MAP2K5: variants seen among roughly 807,000 people sequenced by gnomAD.
The protein encoded by MAP2K5 is dual specificity mitogen-activated protein kinase kinase 5.
In MAP2K5, 49 loss-of-function variants were observed where a neutral mutation model predicts 83.1. That is an observed-to-expected ratio of 0.59 (90% CI 0.47 to 0.75). The LOEUF (loss-of-function observed/expected upper bound fraction) is 0.75. Ranked by LOEUF, MAP2K5 falls within the 30% of genes least tolerant of loss-of-function variation. MAP2K5 has a pLI of 0.00. For synonymous variants in MAP2K5, 202 were observed against 191.8 expected (o/e 1.05, Z -0.44); for missense variants, 457 against 557.5 (o/e 0.82, Z 1.82).
chr15:67,635,815 G>A (rs1032929529), intron 9 of MAP2K5, among the ~76,000 whole-genome samples: 110 of 152,180 alleles, frequency 7.2e-4, no homozygotes, highest in African/African-American at 2.6e-3. Context: ...CCAGTGAGAA[G>A]TTTACTGTCA....
chr15:67,600,690 T>G lies in MAP2K5; in HGVS notation c.486T>G (p.Asn162Lys). The G allele has an allele frequency of 1.2e-6, 2 of 1,609,250 alleles. No homozygotes were observed. Among genetic ancestry groups the G allele is most frequent in the Non-Finnish European group, 1.7e-6 (2 of 1,178,478 alleles). The change falls in exon 8 of 22, where the codon AAT (asparagine) becomes AAG (lysine). Residue 162 changes from asparagine (N) to lysine (K), a missense_variant. Transcript: ENST00000178640. ...TTTCTTTCTTTCTTGTGGAGATGAA[T>G]GAACAAGACATACGATATCGGGACA... ...LKKILANGQMNEQDIRYRDTL... is the reference protein window; with the variant it reads ...LKKILANGQMKEQDIRYRDTL...
At position 67,774,202 on chromosome 15, in the gene MAP2K5, T is replaced by TGTGA. The variant is rs146888784; in HGVS notation, c.1242+1451_1242+1452insTGAG. ...GTGTGTGTGTGTGTGTGTGTGTGTG[T>TGTGA]GAGAGAACATAGGTATTTAGATATA... On this transcript the variant is annotated intron_variant, in intron 21 of 21. Transcript: ENST00000178640. This position sits in a 1 kb window ranked among gnomAD's most constrained non-coding sequence, Gnocchi z 4.9. Among the ~76,000 whole-genome samples, 1,267 of 150,664 alleles carry TGTGA rather than the reference T, an allele frequency of 8.4e-3. 24 individuals carry two copies. The highest frequency in any genetic ancestry group is 0.029 in the African/African-American group (1,200 of 40,820).
At chr15:67,792,184 A>G (rs965288122) in intron 21 of MAP2K5, among the ~76,000 whole-genome samples, 5 of 152,354 alleles carry the variant, frequency 3.3e-5, no homozygotes, top group South Asian at 2.1e-4. Context: ...TCTGGTGGAA[A>G]GAAAAAAACT....
Position 67,775,159 on chromosome 15 carries a change from T to C in MAP2K5, c.1242+2407T>C, listed in dbSNP as rs1037240386. Among the ~76,000 whole-genome samples, 9 of 152,224 alleles carry C rather than the reference T, an allele frequency of 5.9e-5. No homozygotes were observed. Among genetic ancestry groups the C allele is most frequent in the African/African-American group, 2.2e-4 (9 of 41,454 alleles). On this transcript the variant is annotated intron_variant, in intron 21 of 21. Coordinates refer to ENST00000178640, the MANE Select transcript of MAP2K5 (RefSeq NM_145160.3). The surrounding 1 kb of genome is among the most constrained non-coding windows in gnomAD (Gnocchi z 5.3). ...TACCCCTTATCGAATCATAAAATCA[T>C]CATCTTGGCAGTTTTTGACCATGTC...
chr15:67,598,511 C>T (rs1345145229), intron 7 of MAP2K5, among the ~76,000 whole-genome samples: 1 of 152,110 alleles, frequency 6.6e-6, no homozygotes, highest in East Asian at 1.9e-4. Flanking sequence ...TCTCCCTCTC[C>T]CCTCCTCCTC....
chr15:67,642,180 A>G (rs1350637815), intron 9 of MAP2K5, among the ~76,000 whole-genome samples: 1 of 152,198 alleles, frequency 6.6e-6, no homozygotes, highest in Non-Finnish European at 1.5e-5. Flanking sequence ...GGTGGTGTAC[A>G]TTTTTAGTTT....
chr15:67,560,457 C>T (rs1193029954), intron 2 of MAP2K5, among the ~76,000 whole-genome samples: 1 of 152,256 alleles, frequency 6.6e-6, no homozygotes, highest in African/African-American at 2.4e-5. Flanking sequence ...GCTAGGTATC[C>T]TATTAACCCA....
At chr15:67,714,242 T>G (rs753480361) in intron 16 of MAP2K5, among the ~76,000 whole-genome samples, 9 of 151,930 alleles carry the variant, frequency 5.9e-5, no homozygotes, top group Non-Finnish European at 1.2e-4. Context: ...ACACTTTTAT[T>G]TAACATTAGC....
chr15:67,732,910 A>C (rs1384910805), intron 17 of MAP2K5, among the ~76,000 whole-genome samples: 1 of 152,144 alleles, frequency 6.6e-6, no homozygotes. Flanking sequence ...TCGGATGATT[A>C]GTGTGTTTTG....
intron 3 of MAP2K5, among the ~76,000 whole-genome samples, chr15:67,566,154 G>A (rs1178943747): frequency 6.6e-6 from 1 of 152,108 alleles, no homozygotes; most frequent in Non-Finnish European, 1.5e-5. Context: ...TTTGCAAAAA[G>A]CTGTTTTTTT....
rs1168692217 is a variant in MAP2K5 at position 67,573,940 on chromosome 15, G to A, written c.253-6814G>A. Among the ~76,000 whole-genome samples, 1 of 152,118 alleles carries A rather than the reference G, an allele frequency of 6.6e-6. No homozygotes were observed. The highest frequency in any genetic ancestry group is 2.4e-5 in the African/African-American group (1 of 41,410). ...ACATATAAACAAACATTGTACATAA[G>A]GTAGATGTGTTCCTCCTCTTGCTTT... On this transcript the variant is annotated intron_variant, in intron 3 of 21. Coordinates refer to ENST00000178640, the MANE Select transcript of MAP2K5 (RefSeq NM_145160.3). The surrounding 1 kb of genome is among the most constrained non-coding windows in gnomAD (Gnocchi z 4.2).
In MAP2K5 at chr15:67,803,531, G is replaced by A. The variant is rs61067419; in HGVS notation, c.1243-3115G>A. Among the ~76,000 whole-genome samples the A allele has an allele frequency of 2.6e-5, 4 of 152,310 alleles. No homozygotes were observed. In the East Asian group the frequency reaches 7.7e-4, roughly 29 times the overall value. On this transcript the variant is annotated intron_variant, in intron 21 of 21. Transcript: ENST00000178640. Reference sequence around the variant, plus strand: ...GTCCCAGGGGAGCCAGGCCAGCCCCGAGAATACTCCAGAATAGAAACCAGG... The same window carrying A: ...GTCCCAGGGGAGCCAGGCCAGCCCCAAGAATACTCCAGAATAGAAACCAGG...
intron 21 of MAP2K5, among the ~76,000 whole-genome samples, chr15:67,795,046 CT>C (rs1474436844): frequency 1.3e-5 from 2 of 152,252 alleles, no homozygotes; most frequent in Non-Finnish European, 2.9e-5. Context: ...TTCTCATCAT[CT>C]CACACTCCCT....
intron 19 of MAP2K5, among the ~76,000 whole-genome samples, chr15:67,752,456 G>A (rs1390198168): frequency 6.6e-6 from 1 of 151,536 alleles, no homozygotes; most frequent in Non-Finnish European, 1.5e-5. Flanking sequence ...AAAGCGGGTG[G>A]ATCACAAGGT....
rs1383891305 is a variant in MAP2K5 at position 67,724,967 on chromosome 15, C to G, written c.1045-2949C>G. Among the ~76,000 whole-genome samples the G allele has an allele frequency of 1.3e-5, 2 of 152,216 alleles. No individual in the cohort carries two copies. Among genetic ancestry groups the G allele is most frequent in the African/African-American group, 4.8e-5 (2 of 41,458 alleles). On this transcript the variant is annotated intron_variant, in intron 16 of 21. Coordinates refer to ENST00000178640, the MANE Select transcript of MAP2K5 (RefSeq NM_145160.3). This position sits in a 1 kb window ranked among gnomAD's most constrained non-coding sequence, Gnocchi z 4.4. ...AAGAACCATTCTCTGTCTTCTAACT[C>G]TAAAGAGGTCAGACCTGCAAGATGT...
chr15:67,714,588 A>G (rs986224858), intron 16 of MAP2K5, among the ~76,000 whole-genome samples: 1 of 152,158 alleles, frequency 6.6e-6, no homozygotes, highest in Non-Finnish European at 1.5e-5. Flanking sequence ...GCTGCCGTCA[A>G]CTTTTCCACA....
Position 67,636,907 on chromosome 15 carries a change from G to T in MAP2K5, c.585+5980G>T, listed in dbSNP as rs2086614022. Among the ~76,000 whole-genome samples the T allele has an allele frequency of 6.6e-6, 1 of 152,142 alleles. No homozygotes were observed. Among genetic ancestry groups the T allele is most frequent in the Non-Finnish European group, 1.5e-5 (1 of 68,024 alleles). ...GAGAGGCAGACCCACCTGCAATCTG[G>T]GTGGGCACCATCTAATCAGCTGCCA... On this transcript the variant is annotated intron_variant, in intron 9 of 21. Coordinates refer to ENST00000178640, the MANE Select transcript of MAP2K5 (RefSeq NM_145160.3). The surrounding 1 kb of genome is among the most constrained non-coding windows in gnomAD (Gnocchi z 4.7).
chr15:67,606,776 A>T (rs1379958345), intron 8 of MAP2K5, among the ~76,000 whole-genome samples: 1 of 152,258 alleles, frequency 6.6e-6, no homozygotes, highest in Non-Finnish European at 1.5e-5. Flanking sequence ...ACTGATGGTC[A>T]TTTGTATAAA....
chr15:67,681,508 A>G (rs927848090), intron 13 of MAP2K5, among the ~76,000 whole-genome samples: 24 of 152,250 alleles, frequency 1.6e-4, no homozygotes, highest in African/African-American at 5.3e-4. Context: ...AGCCTACTGC[A>G]TAAAATGACT....
Sources: gnomAD v4.1 joint callset for allele counts (sites outside exome capture counted in the v4.1 genomes callset) on GRCh38, gnomAD v4.1.1 for gene constraint, Gnocchi (gnomAD v3.1) non-coding constraint, MANE v1.5 for transcripts, NCBI Gene and HGNC (gene_info 2026-07-23, HGNC 2026-07-21) for gene names.